OSGIN1: variants seen among roughly 807,000 people sequenced by gnomAD.
OSGIN1 encodes oxidative stress-induced growth inhibitor 1.
A neutral mutation model predicts 20.1 loss-of-function variants in OSGIN1; 19 were observed. The ratio of observed to expected loss-of-function variants is 0.95; its 90% CI spans 0.66 to 1.39. OSGIN1 has a LOEUF of 1.39. Among genes scored for constraint, OSGIN1 ranks in the 40% most tolerant of loss-of-function variants. The pLI is 0.00. For synonymous variants in OSGIN1, 368 were observed against 297.8 expected (o/e 1.24, Z -2.43); for missense variants, 820 against 653.0 (o/e 1.26, Z -2.79).
Position 83,965,718 on chromosome 16 carries a change from G to A in OSGIN1, c.1145G>A (p.Gly382Asp). The change falls in exon 6 of 6, where the codon GGT (glycine) becomes GAT (aspartate). Residue 382 changes from glycine to aspartate, a missense_variant. Physicochemically the swap from Gly to Asp is moderately conservative, Grantham distance 94. Coordinates refer to ENST00000393306, the MANE Select transcript of OSGIN1 (RefSeq NM_182981.3). ...CAGGCCGTGTTCCAGGACCTCGAGG[G>A]TGTCGAGAAGGTGTTTGGGGTCTCC... ...DCQAVFQDLE[G>D]VEKVFGVSLV... is the part of the protein sequence containing the mutation. The A allele has an allele frequency of 6.2e-7, 1 of 1,613,678 alleles. No individual in the cohort carries two copies. The highest frequency in any genetic ancestry group is 8.5e-7 in the Non-Finnish European group (1 of 1,180,020).
At chr16:83,958,424 C>G (rs1011628991) in intron 2 of OSGIN1, among the ~76,000 whole-genome samples, 5 of 152,244 alleles carry the variant, frequency 3.3e-5, no homozygotes, top group Admixed American at 2.6e-4. Flanking sequence ...AGAGGACACA[C>G]AGTAGCGGCT....
chr16:83,961,342 G>T lies in OSGIN1; in HGVS notation c.488+270G>T, dbSNP rs1268713408. 5 of 434,694 alleles carry T rather than the reference G, an allele frequency of 1.2e-5. No individual in the cohort carries two copies. The East Asian group carries it at 2.3e-4, about 20-fold the overall frequency. 26.9% of individuals were successfully genotyped at this position (434,694 alleles called of 1,614,324 possible). On this transcript the variant is annotated intron_variant, in intron 5 of 5. Coordinates refer to ENST00000393306, the MANE Select transcript of OSGIN1 (RefSeq NM_182981.3). ...AAAGCTGGGCCAGCTTGAAGCAAAG[G>T]CAGGAAGTGGGGAGGGGGCTTCCAG...
intron 5 of OSGIN1, among the ~76,000 whole-genome samples, chr16:83,964,489 G>T (rs964282905): frequency 6.6e-6 from 1 of 151,896 alleles, no homozygotes; most frequent in African/African-American, 2.4e-5. Context: ...CCCCATCCCC[G>T]GAGGTAACCC....
Position 83,966,167 on chromosome 16 carries a change from CT to C in OSGIN1, c.*162del. The C allele has an allele frequency of 3.2e-6, 2 of 631,760 alleles. No individual in the cohort carries two copies. Among genetic ancestry groups the C allele is most frequent in the Non-Finnish European group, 2.7e-6 (1 of 370,966 alleles). 39.1% of individuals were successfully genotyped at this position (631,760 alleles called of 1,614,324 possible). A position where few individuals can be genotyped will look rare whatever the true frequency, so the allele number is the denominator to read the frequency against. ...AGTAGGGATCCCAGGCTGCCCTGGACTTAGACCAGTGTCTGAGGTGGTAACA... is the reference window on the plus strand; with the variant it reads ...AGTAGGGATCCCAGGCTGCCCTGGACTAGACCAGTGTCTGAGGTGGTAACA... On this transcript the variant is annotated 3_prime_UTR_variant, in exon 6 of 6. Coordinates refer to ENST00000393306, the MANE Select transcript of OSGIN1 (RefSeq NM_182981.3).
At chr16:83,955,494 C>G (rs1908884479) in intron 1 of OSGIN1, among the ~76,000 whole-genome samples, 1 of 152,180 alleles carries the variant, frequency 6.6e-6, no homozygotes, top group Non-Finnish European at 1.5e-5. Flanking sequence ...TCTGATCCAG[C>G]CCAGCCTGCA....
intron 4 of OSGIN1, 90 bp downstream of exon 4, chr16:83,960,850 C>A: frequency 1.3e-6 from 2 of 1,492,860 alleles, no homozygotes; most frequent in Non-Finnish European, 1.8e-6. Flanking sequence ...TCCCTTTCCT[C>A]ATTCTCCACC....
chr16:83,962,093 C>A (rs1320053295), intron 5 of OSGIN1, among the ~76,000 whole-genome samples: 1 of 151,936 alleles, frequency 6.6e-6, no homozygotes, highest in Non-Finnish European at 1.5e-5. Flanking sequence ...CAGCTCACCC[C>A]AAACCCACAC....
chr16:83,961,107 A>C (rs1375439366), intron 5 of OSGIN1, 35 bp downstream of exon 5: 1 of 1,537,250 alleles, frequency 6.5e-7, no homozygotes. Context: ...GGGGACACGG[A>C]AGGTTGGGCC....
rs751354864 is a variant in OSGIN1, at chr16:83,965,572, G to A, written c.999G>A (p.Leu333=). The A allele has an allele frequency of 3.1e-6, 5 of 1,612,970 alleles. No homozygotes were observed. Among genetic ancestry groups the A allele is most frequent in the African/African-American group, 2.7e-5 (2 of 75,066 alleles). Residue 333 remains leucine (L), a synonymous_variant, in exon 6 of 6, where the codon CTG becomes CTA. Coordinates refer to ENST00000393306, the MANE Select transcript of OSGIN1 (RefSeq NM_182981.3). ...GLVFNQLPKM[L]YPEYHKVHQM... ...TGTTCAACCAGCTGCCCAAGATGCT[G>A]TACCCCGAGTACCACAAGGTGCACC...
intron 5 of OSGIN1, 160 bp downstream of exon 5, chr16:83,961,232 G>A (rs902683028): frequency 6.5e-6 from 4 of 612,680 alleles, no homozygotes; most frequent in Non-Finnish European, 1.2e-5. Flanking sequence ...TGCCCAAGGT[G>A]ATCCGGCACA....
chr16:83,955,078 G>C (rs987475846), intron 1 of OSGIN1, among the ~76,000 whole-genome samples: 1 of 152,178 alleles, frequency 6.6e-6, no homozygotes, highest in Non-Finnish European at 1.5e-5. Context: ...CTGCAAAGTG[G>C]GTTGCTAGGA....
Position 83,965,560 on chromosome 16 carries a change from GC to G in OSGIN1, c.990del (p.Lys331ArgfsTer13). 2.5e-6 allele frequency: 4 copies of G among 1,612,894 alleles called. No individual in the cohort carries two copies. The highest frequency in any genetic ancestry group is 3.4e-6 in the Non-Finnish European group (4 of 1,180,024). ...ACCCTGGCCTGGTGTTCAACCAGCT[GC>G]CCAAGATGCTGTACCCCGAGTACCA... is the stretch of plus-strand genomic sequence containing the variant. ...DDPGLVFNQL[P>X]KMLYPEYHKV... On this transcript the variant is annotated frameshift_variant, in exon 6 of 6. Transcript: ENST00000393306. LOFTEE classifies it low-confidence loss of function (END_TRUNC).
At chr16:83,956,720 G>A (rs1908947639) in intron 1 of OSGIN1, among the ~76,000 whole-genome samples, 2 of 152,326 alleles carry the variant, frequency 1.3e-5, no homozygotes, top group Non-Finnish European at 2.9e-5. Flanking sequence ...TCAAATACCC[G>A]GTACACAGTA....
chr16:83,959,323 C>G lies in OSGIN1; in HGVS notation c.131C>G (p.Pro44Arg), dbSNP rs1430615963. ...LLSGYTPYTKPDAIHPHPLLQ... is the reference protein window; with the variant it reads ...LLSGYTPYTKRDAIHPHPLLQ... ...TCCGGCTACACACCCTACACGAAGC[C>G]AGATGCCATCCACCCACACCCCCTG... is the stretch of plus-strand genomic sequence containing the variant. The change falls in exon 3 of 6, where the codon CCA (proline) becomes CGA (arginine). Residue 44 changes from proline (P) to arginine (R), a missense_variant. Physicochemically the swap from Pro to Arg is moderately radical, Grantham distance 103. Coordinates refer to ENST00000393306, the MANE Select transcript of OSGIN1 (RefSeq NM_182981.3). 1.9e-6 allele frequency: 3 copies of G among 1,613,758 alleles called. No homozygotes were observed.
intron 2 of OSGIN1, 29 bp from the exon 3 acceptor site, chr16:83,959,231 C>G: frequency 1.9e-6 from 3 of 1,601,122 alleles, no homozygotes; most frequent in African/African-American, 2.7e-5. Context: ...AAAAGGCCAC[C>G]CCCTTTAACC....
intron 2 of OSGIN1, among the ~76,000 whole-genome samples, chr16:83,958,074 G>A (rs1357352233): frequency 2.6e-5 from 4 of 151,982 alleles, no homozygotes; most frequent in South Asian, 2.1e-4. Context: ...ATGGGGTTTC[G>A]CCATGTCGGC....
At chr16:83,959,113 C>T in intron 2 of OSGIN1, 147 bp from the exon 3 acceptor site, 1 of 621,304 alleles carries the variant, frequency 1.6e-6, no homozygotes, top group Non-Finnish European at 2.9e-6. Context: ...GGCACAGTGT[C>T]TGGCACAGGC....
chr16:83,964,205 G>A (rs201618617), intron 5 of OSGIN1, among the ~76,000 whole-genome samples: 2 of 152,252 alleles, frequency 1.3e-5, no homozygotes, highest in Non-Finnish European at 1.5e-5. Flanking sequence ...TCAGGAGGCC[G>A]AGGTATGAGA....
chr16:83,965,323 C>G lies in OSGIN1; in HGVS notation c.750C>G (p.Asp250Glu). 1 of 1,577,728 alleles carries G rather than the reference C, an allele frequency of 6.3e-7. No individual in the cohort carries two copies. Among genetic ancestry groups the G allele is most frequent in the Non-Finnish European group, 8.6e-7 (1 of 1,161,660 alleles). ...RNVVLATGTF[D>E]SPARLGIPGE... is the part of the protein sequence containing the mutation. ...TGGTCCTCGCCACAGGCACGTTCGACAGCCCGGCCCGGCTGGGCATCCCCG... is the reference window on the plus strand; with the variant it reads ...TGGTCCTCGCCACAGGCACGTTCGAGAGCCCGGCCCGGCTGGGCATCCCCG... The change falls in exon 6 of 6, where the codon GAC (aspartate) becomes GAG (glutamate). Residue 250 changes from aspartate to glutamate, a missense_variant. Asp to Glu is a conservative substitution (Grantham distance 45, BLOSUM62 2). Coordinates refer to ENST00000393306, the MANE Select transcript of OSGIN1 (RefSeq NM_182981.3).
Sources: allele counts gnomAD v4.1 joint callset (sites outside exome capture counted in the v4.1 genomes callset), GRCh38; gene constraint gnomAD v4.1.1; transcripts MANE v1.5; gene names NCBI Gene and HGNC (gene_info 2026-07-23, HGNC 2026-07-21).